Variants in PACRG observed in about 807,000 individuals in gnomAD.
The protein encoded by PACRG is parkin coregulated gene protein.
Under a neutral mutation model 29.7 loss-of-function variants are expected in PACRG, and 29 were observed. The ratio of observed to expected loss-of-function variants is 0.98; its 90% CI spans 0.73 to 1.33. The LOEUF is 1.33. Among genes scored for constraint, PACRG ranks in the 40% most tolerant of loss-of-function variants. PACRG has a pLI of 0.00. For synonymous variants in PACRG, 116 were observed against 118.7 expected (o/e 0.98, Z 0.15); for missense variants, 279 against 316.2 (o/e 0.88, Z 0.89).
At chr6:163,282,907 GCACCCATT>G (rs1463641062) in intron 4 of PACRG, among the ~76,000 whole-genome samples, 1 of 152,124 alleles carries the variant, frequency 6.6e-6, no homozygotes, top group East Asian at 1.9e-4. Flanking sequence ...GAAAGCCTTT[GCACCCATT>G]GCTACAATGA....
chr6:163,217,548 G>T (rs552307051), intron 4 of PACRG, among the ~76,000 whole-genome samples: 1 of 152,158 alleles, frequency 6.6e-6, no homozygotes, highest in African/African-American at 2.4e-5. Context: ...CCCAGCCCCC[G>T]GGCCATGGAC....
chr6:163,081,740 A>G (rs1368881376), intron 3 of PACRG, among the ~76,000 whole-genome samples: 2 of 152,198 alleles, frequency 1.3e-5, no homozygotes, highest in African/African-American at 4.8e-5. Flanking sequence ...AGGGTGACAG[A>G]GTAAAACCCT....
At chr6:163,241,745 C>T (rs1466892590) in intron 4 of PACRG, among the ~76,000 whole-genome samples, 1 of 152,060 alleles carries the variant, frequency 6.6e-6, no homozygotes, top group Non-Finnish European at 1.5e-5. Flanking sequence ...TTCTGGCAAC[C>T]AGTTGAGAAC....
chr6:163,217,026 G>C (rs1463245491), intron 4 of PACRG, among the ~76,000 whole-genome samples: 2 of 152,174 alleles, frequency 1.3e-5, no homozygotes, highest in African/African-American at 4.8e-5. Context: ...CATTCCACCA[G>C]CACGCCTTTG....
At chr6:163,094,336 A>G (rs187499554) in intron 4 of PACRG, among the ~76,000 whole-genome samples, 23 of 152,348 alleles carry the variant, frequency 1.5e-4, no homozygotes, top group Admixed American at 1.4e-3. Context: ...AAATGGTTAA[A>G]TGTGTTAAAT....
intron 2 of PACRG, among the ~76,000 whole-genome samples, chr6:162,958,564 G>T (rs1426597589): frequency 6.6e-6 from 1 of 151,716 alleles, no homozygotes; most frequent in African/African-American, 2.4e-5. Flanking sequence ...AGTATGCTTT[G>T]CTTTTAACAT....
chr6:163,195,458 A>G (rs1337408712), intron 4 of PACRG, among the ~76,000 whole-genome samples: 1 of 152,122 alleles, frequency 6.6e-6, no homozygotes, highest in African/African-American at 2.4e-5. Flanking sequence ...CAGGCGTCCA[A>G]TGGAGAGGAG....
intron 1 of PACRG, among the ~76,000 whole-genome samples, chr6:162,801,814 T>C (rs1024352912): frequency 6.6e-6 from 1 of 152,156 alleles, no homozygotes; most frequent in Non-Finnish European, 1.5e-5. Flanking sequence ...TACTTAAATT[T>C]ATAAAATTTA....
At chr6:162,743,156 T>C (rs1483801092) in intron 1 of PACRG, among the ~76,000 whole-genome samples, 1 of 152,200 alleles carries the variant, frequency 6.6e-6, no homozygotes, top group Non-Finnish European at 1.5e-5. Context: ...CTGCTGGGCA[T>C]CTGAATGTCT....
intron 2 of PACRG, among the ~76,000 whole-genome samples, chr6:162,829,792 G>A (rs1788593423): frequency 6.6e-6 from 1 of 152,184 alleles, no homozygotes; most frequent in African/African-American, 2.4e-5. Flanking sequence ...GGAAAACAAG[G>A]TGGGAGAATG....
intron 4 of PACRG, among the ~76,000 whole-genome samples, chr6:163,221,104 A>G (rs1047196916): frequency 2.0e-5 from 3 of 152,258 alleles, no homozygotes; most frequent in Non-Finnish European, 4.4e-5. Flanking sequence ...GACAAAATAC[A>G]TAAGAAAATA....
intron 1 of PACRG, among the ~76,000 whole-genome samples, chr6:162,787,557 A>ATT (rs1784563926): frequency 1.7e-5 from 1 of 57,444 alleles, no homozygotes; most frequent in Non-Finnish European, 3.1e-5. Context: ...ATATATGGTT[A>ATT]TTGTGTGTGT....
intron 2 of PACRG, among the ~76,000 whole-genome samples, chr6:163,059,904 A>G (rs573364120): frequency 1.6e-4 from 25 of 152,302 alleles, no homozygotes; most frequent in African/African-American, 6.0e-4. Flanking sequence ...CCAAGGAAAA[A>G]TAGACATGTC....
At chr6:162,829,589 G>A (rs57105661) in intron 2 of PACRG, among the ~76,000 whole-genome samples, 292 of 152,296 alleles carry the variant, frequency 1.9e-3, no homozygotes, top group African/African-American at 6.5e-3. Context: ...TTTGGTGAAC[G>A]ATGAACTGCA....
At chr6:163,303,124 C>A (rs184470473) in intron 4 of PACRG, among the ~76,000 whole-genome samples, 1 of 152,014 alleles carries the variant, frequency 6.6e-6, no homozygotes, top group Non-Finnish European at 1.5e-5. Context: ...TAAGTCGAGA[C>A]GTTCGAGATC....
intron 2 of PACRG, among the ~76,000 whole-genome samples, chr6:162,955,345 G>T (rs1188517849): frequency 6.6e-6 from 1 of 152,158 alleles, no homozygotes; most frequent in Non-Finnish European, 1.5e-5. Flanking sequence ...TGTTGCCCAA[G>T]CTGGAGTGCA....
intron 2 of PACRG, among the ~76,000 whole-genome samples, chr6:162,941,028 GTA>G (rs1163400497): frequency 2.7e-5 from 4 of 147,902 alleles, no homozygotes; most frequent in Admixed American, 1.3e-4. Flanking sequence ...GTGTGTGTTT[GTA>G]TATGTGTGTG....
chr6:162,874,349 C>A (rs2127999411), intron 2 of PACRG, among the ~76,000 whole-genome samples: 1 of 152,040 alleles, frequency 6.6e-6, no homozygotes, highest in East Asian at 1.9e-4. Context: ...TTGGAATGTC[C>A]TTATTTTTTT....
intron 2 of PACRG, among the ~76,000 whole-genome samples, chr6:162,948,642 A>T (rs1478356686): frequency 6.6e-6 from 1 of 152,176 alleles, no homozygotes; most frequent in Non-Finnish European, 1.5e-5. Context: ...TATTCATCTG[A>T]CAAAGAACTA....
Sources: allele counts gnomAD v4.1 joint callset (sites outside exome capture counted in the v4.1 genomes callset), GRCh38; gene constraint gnomAD v4.1.1; transcripts MANE v1.5; gene names NCBI Gene and HGNC (gene_info 2026-07-23, HGNC 2026-07-21).